RBFOX1: variants seen among roughly 807,000 people sequenced by gnomAD.
RBFOX1 encodes the protein RNA binding protein fox-1 homolog 1.
RBFOX1 carries 8 observed loss-of-function variants against 57.7 expected under a neutral mutation model. The observed-to-expected ratio is 0.14, with a 90% CI of 0.08 to 0.25. The LOEUF (loss-of-function observed/expected upper bound fraction) is 0.25, where lower values mean the gene tolerates loss of function less well. Among genes scored for constraint, RBFOX1 ranks in the 10% least tolerant of loss-of-function variants. RBFOX1 has a pLI of 1.00. For missense variants in RBFOX1, 611 were observed against 548.5 expected (o/e 1.11, Z -1.14); for synonymous variants, 326 against 222.4 (o/e 1.47, Z -4.15).
intron 3 of RBFOX1, among the ~76,000 whole-genome samples, chr16:5,842,065 C>A (rs1235071945): frequency 1.3e-5 from 2 of 152,184 alleles, no homozygotes; most frequent in Non-Finnish European, 2.9e-5. Context: ...GATGGTGAAT[C>A]TCTGCCCTGA....
chr16:7,708,383 G>C (rs2083193702), intron 14 of RBFOX1, among the ~76,000 whole-genome samples: 1 of 152,142 alleles, frequency 6.6e-6, no homozygotes, highest in Non-Finnish European at 1.5e-5. Context: ...ACACAAAGAT[G>C]AGTAAATGTC....
chr16:6,624,260 T>C (rs2098274006), intron 2 of RBFOX1, among the ~76,000 whole-genome samples: 1 of 152,240 alleles, frequency 6.6e-6, no homozygotes, highest in Non-Finnish European at 1.5e-5. Context: ...CAGTTAAATA[T>C]CTCGTTGCTT....
intron 1 of RBFOX1, among the ~76,000 whole-genome samples, chr16:6,128,737 G>A (rs563735465): frequency 7.2e-5 from 11 of 152,284 alleles, no homozygotes; most frequent in Admixed American, 2.0e-4. Flanking sequence ...AGACTTCACC[G>A]GAGATCAGAG....
intron 2 of RBFOX1, among the ~76,000 whole-genome samples, chr16:6,486,206 A>T (rs1232878588): frequency 6.7e-6 from 1 of 150,184 alleles, no homozygotes; most frequent in Non-Finnish European, 1.5e-5. Context: ...TTGTTTTGAG[A>T]ATCCAGGTAC....
At chr16:5,705,835 C>T (rs1237387879) in intron 3 of RBFOX1, among the ~76,000 whole-genome samples, 2 of 152,222 alleles carry the variant, frequency 1.3e-5, no homozygotes, top group East Asian at 1.9e-4. Flanking sequence ...TCCGTAGTGG[C>T]TAGAACAGTT....
At chr16:6,338,744 G>A (rs942461078) in intron 2 of RBFOX1, among the ~76,000 whole-genome samples, 7 of 152,108 alleles carry the variant, frequency 4.6e-5, no homozygotes, top group Non-Finnish European at 7.4e-5. Context: ...AAGAGTGCAT[G>A]TTTAACCAAC....
chr16:6,740,526 C>G lies in RBFOX1; in HGVS notation c.-16+85876C>G, dbSNP rs117800460. On this transcript the variant is annotated intron_variant, in intron 3 of 15. Transcript: ENST00000550418. Reference sequence around the variant, plus strand: ...AACCCACACACATTTTGTGGACTGACAAGTTAGCTCACCAAAGTCACAGGA... The same window carrying G: ...AACCCACACACATTTTGTGGACTGAGAAGTTAGCTCACCAAAGTCACAGGA... Among the ~76,000 whole-genome samples the G allele has an allele frequency of 5.1e-3, 769 of 152,258 alleles. 4 individuals carry two copies. The highest frequency in any genetic ancestry group is 7.0e-3 in the Non-Finnish European group (477 of 68,010).
intron 3 of RBFOX1, among the ~76,000 whole-genome samples, chr16:5,797,622 C>T (rs996990432): frequency 1.3e-5 from 2 of 152,156 alleles, no homozygotes; most frequent in Admixed American, 6.5e-5. Flanking sequence ...GTGTTATTTG[C>T]TTGAAATATT....
chr16:7,207,861 G>C (rs1324181766), intron 4 of RBFOX1, among the ~76,000 whole-genome samples: 1 of 152,166 alleles, frequency 6.6e-6, no homozygotes, highest in African/African-American at 2.4e-5. Context: ...ATTCAGGAGA[G>C]AGAGCTAAGG....
intron 1 of RBFOX1, among the ~76,000 whole-genome samples, chr16:6,306,496 C>A (rs74935549): frequency 6.6e-6 from 1 of 152,202 alleles, no homozygotes; most frequent in Non-Finnish European, 1.5e-5. Context: ...CTACTGATTT[C>A]TTCATGGATG....
intron 2 of RBFOX1, among the ~76,000 whole-genome samples, chr16:5,595,112 C>T (rs1437527016): frequency 1.3e-5 from 2 of 152,058 alleles, no homozygotes; most frequent in East Asian, 3.8e-4. Context: ...TGCCACTGCA[C>T]TCTAGCCTGG....
intron 1 of RBFOX1, among the ~76,000 whole-genome samples, chr16:6,222,605 G>C (rs897389847): frequency 1.7e-5 from 2 of 117,166 alleles, no homozygotes; most frequent in African/African-American, 6.2e-5. Context: ...TTAAGCCCTG[G>C]ATTGCTGGGC....
rs571791718 is a variant in RBFOX1 at position 7,168,144 on chromosome 16, A to G, written c.27+116046A>G. Among the ~76,000 whole-genome samples the G allele has an allele frequency of 2.0e-4, 31 of 152,336 alleles. No homozygotes were observed. The South Asian group carries it at 6.4e-3, about 32-fold the overall frequency. ...TGGTTTTCCGTCTGTTGAATCAGTC[A>G]GCATTAAAGTTCACTTATCAATGAT... On this transcript the variant is annotated intron_variant, in intron 4 of 15. Coordinates refer to ENST00000550418, the MANE Select transcript of RBFOX1 (RefSeq NM_018723.4).
chr16:5,285,419 G>C (rs1036919344), intron 1 of RBFOX1, among the ~76,000 whole-genome samples: 1 of 151,890 alleles, frequency 6.6e-6, no homozygotes, highest in African/African-American at 2.4e-5. Context: ...TTTCTTTAAT[G>C]TCATTATTCT....
At chr16:6,344,949 G>C (rs139415523) in intron 2 of RBFOX1, among the ~76,000 whole-genome samples, 3,451 of 152,196 alleles carry the variant, frequency 0.023, 73 homozygotes, top group Non-Finnish European at 0.034. Context: ...ACAGGTGTGA[G>C]CCACCGAGCC....
intron 3 of RBFOX1, among the ~76,000 whole-genome samples, chr16:5,647,536 G>A (rs2151350050): frequency 6.6e-6 from 1 of 152,268 alleles, no homozygotes; most frequent in African/African-American, 2.4e-5. Flanking sequence ...TAGGCACTGA[G>A]CAAATGTTAG....
chr16:6,556,155 C>T (rs944224637), intron 2 of RBFOX1, among the ~76,000 whole-genome samples: 1 of 152,082 alleles, frequency 6.6e-6, no homozygotes, highest in Admixed American at 6.6e-5. Flanking sequence ...CAGTAATAAA[C>T]CCTGTCTTTA....
At chr16:5,348,722 A>G (rs1476596817) in intron 1 of RBFOX1, among the ~76,000 whole-genome samples, 3 of 152,362 alleles carry the variant, frequency 2.0e-5, no homozygotes, top group Middle Eastern at 3.4e-3. Context: ...GTTAATAATG[A>G]GGACCCCTTT....
chr16:7,017,427 C>G (rs964844620), intron 3 of RBFOX1, among the ~76,000 whole-genome samples: 5 of 152,156 alleles, frequency 3.3e-5, no homozygotes, highest in African/African-American at 1.2e-4. Flanking sequence ...TGAGATAAAT[C>G]TTGGCCCCAA....
Sources: gnomAD v4.1 joint callset for allele counts (sites outside exome capture counted in the v4.1 genomes callset) on GRCh38, gnomAD v4.1.1 for gene constraint, MANE v1.5 for transcripts, NCBI Gene and HGNC (gene_info 2026-07-23, HGNC 2026-07-21) for gene names.